The following COL14A1 variants were observed in gnomAD, a reference collection of about 807,000 sequenced individuals.
COL14A1 encodes the protein collagen type XIV alpha 1 chain, also known as collagen alpha-1(XIV) chain.
A neutral mutation model predicts 230.3 loss-of-function variants in COL14A1; 136 were observed. The ratio of observed to expected loss-of-function variants is 0.59; its 90% CI spans 0.51 to 0.68. The LOEUF (loss-of-function observed/expected upper bound fraction) is 0.68, where lower values mean the gene tolerates loss of function less well. Among genes scored for constraint, COL14A1 ranks in the 30% least tolerant of loss-of-function variants. COL14A1 has a pLI of 0.00. For missense variants in COL14A1, 1,976 were observed against 2,215.8 expected (o/e 0.89, Z 2.17); for synonymous variants, 792 against 784.1 (o/e 1.01, Z -0.17).
At chr8:120,299,781 A>G (rs1158667230) in intron 35 of COL14A1, among the ~76,000 whole-genome samples, 1 of 152,114 alleles carries the variant, frequency 6.6e-6, no homozygotes, top group Non-Finnish European at 1.5e-5. Flanking sequence ...GTAACAGTCC[A>G]TTTGCTTAAC....
At chr8:120,135,244 A>G (rs1814670756) in intron 1 of COL14A1, among the ~76,000 whole-genome samples, 1 of 152,092 alleles carries the variant, frequency 6.6e-6, no homozygotes, top group South Asian at 2.1e-4. Context: ...CTGGAGACCA[A>G]TTTGGCAATA....
At chr8:120,253,996 A>T (rs1819059422) in intron 22 of COL14A1, among the ~76,000 whole-genome samples, 1 of 152,206 alleles carries the variant, frequency 6.6e-6, no homozygotes, top group African/African-American at 2.4e-5. Context: ...GGGAAGAGAG[A>T]TTGTTTAATT....
Position 120,147,867 on chromosome 8 carries a change from C to T in COL14A1, c.25C>T (p.Arg9Trp), listed in dbSNP as rs771681479. The T allele has an allele frequency of 9.3e-6, 15 of 1,613,636 alleles. No individual in the cohort carries two copies. Among genetic ancestry groups the T allele is most frequent in the East Asian group, 4.5e-5 (2 of 44,846 alleles). MKIFQRKM[R>W]YWLLPPFLAI... ...AATGAAGATTTTCCAGCGCAAGATG[C>T]GGTACTGGTTGCTTCCACCTTTTTT... Residue 9 changes from arginine to tryptophan, a missense_variant, in exon 2 of 48, where the codon CGG becomes TGG. By Grantham distance (101) the Arg-to-Trp change is moderately radical. This residue lies in a region of COL14A1 where 181 missense variants were observed against 178.6 expected (regional missense o/e 1.01). Transcript: ENST00000297848.
At chr8:120,360,126 C>G (rs905742247) in intron 45 of COL14A1, among the ~76,000 whole-genome samples, 2 of 152,266 alleles carry the variant, frequency 1.3e-5, no homozygotes, top group South Asian at 2.1e-4. Flanking sequence ...AATGATTCAA[C>G]CTGTTTTCCT....
chr8:120,240,795 T>C (rs1818587101), intron 19 of COL14A1, among the ~76,000 whole-genome samples: 1 of 152,244 alleles, frequency 6.6e-6, no homozygotes, highest in African/African-American at 2.4e-5. Context: ...GAAATGTTTC[T>C]ATACTTTCTA....
chr8:120,318,476 T>G (rs1821316690), intron 40 of COL14A1, among the ~76,000 whole-genome samples: 1 of 152,164 alleles, frequency 6.6e-6, no homozygotes, highest in Non-Finnish European at 1.5e-5. Context: ...TCAACTGATC[T>G]GAGGGCTTAA....
In COL14A1 at chr8:120,332,122, C is replaced by T; in HGVS notation, c.4660-19C>T. 1 of 1,613,396 alleles carries T rather than the reference C, an allele frequency of 6.2e-7. No homozygotes were observed. Among genetic ancestry groups the T allele is most frequent in the African/African-American group, 1.3e-5 (1 of 75,030 alleles). On this transcript the variant is annotated intron_variant, in intron 40 of 47. Coordinates refer to ENST00000297848, the MANE Select transcript of COL14A1 (RefSeq NM_021110.4). The stretch of plus-strand genomic sequence containing the variant: ...TATAAAGCAACCACTTGCTGACATG[C>T]TGTGTTTCTTTTCGCCAGGGCCTTC...
chr8:120,257,157 TA>T (rs1342599334), intron 23 of COL14A1, among the ~76,000 whole-genome samples: 4 of 152,188 alleles, frequency 2.6e-5, no homozygotes, highest in Non-Finnish European at 5.9e-5. Context: ...TGCTGGCAAG[TA>T]AATGAGTCCA....
chr8:120,139,591 C>T (rs1814831395), intron 1 of COL14A1, among the ~76,000 whole-genome samples: 1 of 152,166 alleles, frequency 6.6e-6, no homozygotes, highest in South Asian at 2.1e-4. Flanking sequence ...CCTTTTTTAG[C>T]ATCTGCTCAA....
chr8:120,310,076 T>G lies in COL14A1; in HGVS notation c.4455+14T>G. On this transcript the variant is annotated intron_variant, in intron 37 of 47. Coordinates refer to ENST00000297848, the MANE Select transcript of COL14A1 (RefSeq NM_021110.4). Reference sequence around the variant, plus strand: ...CCGGGTCCAAAGGTAATGCGCATGTTTTCTCTCTCTCTCTGTCTCATCTCT... The same window carrying G: ...CCGGGTCCAAAGGTAATGCGCATGTGTTCTCTCTCTCTCTGTCTCATCTCT... 1 of 1,611,806 alleles carries G rather than the reference T, an allele frequency of 6.2e-7. No homozygotes were observed. The highest frequency in any genetic ancestry group is 8.5e-7 in the Non-Finnish European group (1 of 1,178,348).
chr8:120,153,735 A>G (rs931556745), intron 2 of COL14A1, among the ~76,000 whole-genome samples: 5 of 152,254 alleles, frequency 3.3e-5, no homozygotes, highest in African/African-American at 1.2e-4. Flanking sequence ...ATTCACCAGT[A>G]GGTAATGCAG....
intron 21 of COL14A1, among the ~76,000 whole-genome samples, chr8:120,248,342 G>C (rs940083529): frequency 6.6e-6 from 1 of 152,054 alleles, no homozygotes; most frequent in African/African-American, 2.4e-5. Flanking sequence ...AGTAGAAAGC[G>C]ATCGTACCCT....
At chr8:120,325,475 CTGTT>C (rs34330810) in intron 40 of COL14A1, among the ~76,000 whole-genome samples, 122,670 of 150,630 alleles carry the variant, frequency 0.81, 50,355 homozygotes, top group Non-Finnish European at 0.88. Context: ...AAGTGTTCTG[CTGTT>C]TGTTTGTTTG....
chr8:120,345,604 G>A, intron 45 of COL14A1, 41 bp downstream of exon 45: 1 of 1,460,320 alleles, frequency 6.8e-7, no homozygotes, highest in Non-Finnish European at 9.0e-7. Flanking sequence ...CCTCTGAGTT[G>A]GGTGCAGGGA....
intron 44 of COL14A1, among the ~76,000 whole-genome samples, chr8:120,344,546 ATCAGGAGCG>A (rs1822429288): frequency 6.6e-6 from 1 of 152,280 alleles, no homozygotes; most frequent in African/African-American, 2.4e-5. Flanking sequence ...ACATTGAGTC[ATCAGGAGCG>A]GATCCCTACT....
At chr8:120,198,032 A>C in intron 7 of COL14A1, 102 bp downstream of exon 7, 1 of 1,165,128 alleles carries the variant, frequency 8.6e-7, no homozygotes, top group Non-Finnish European at 1.2e-6. Context: ...TGTTTTAATT[A>C]AACTAGCACT....
intron 17 of COL14A1, among the ~76,000 whole-genome samples, chr8:120,227,672 T>G (rs1017034184): frequency 6.6e-6 from 1 of 152,146 alleles, no homozygotes; most frequent in African/African-American, 2.4e-5. Context: ...GATGAATGGA[T>G]GTATGCAAGA....
intron 45 of COL14A1, among the ~76,000 whole-genome samples, chr8:120,346,840 A>C (rs1342110680): frequency 1.3e-5 from 2 of 152,182 alleles, no homozygotes; most frequent in Non-Finnish European, 2.9e-5. Flanking sequence ...ATTGGTTCTG[A>C]ATTGCTTTGC....
rs151216053 is a variant in COL14A1 at position 120,224,654 on chromosome 8, T to A, written c.1738-434T>A. On this transcript the variant is annotated intron_variant, in intron 14 of 47. Coordinates refer to ENST00000297848, the MANE Select transcript of COL14A1 (RefSeq NM_021110.4). Reference sequence around the variant, plus strand: ...GAGGAATGTTTCAAATATTTACTATTTTCTTTAGTATTAATGTTCCCTGAT... The same window carrying A: ...GAGGAATGTTTCAAATATTTACTATATTCTTTAGTATTAATGTTCCCTGAT... Among the ~76,000 whole-genome samples, 235 of 152,356 alleles carry A rather than the reference T, an allele frequency of 1.5e-3. 1 individual carries two copies. The highest frequency in any genetic ancestry group is 5.4e-3 in the African/African-American group (224 of 41,580).
Sources: gnomAD v4.1 joint callset for allele counts (sites outside exome capture counted in the v4.1 genomes callset) on GRCh38, gnomAD v4.1.1 for gene constraint, gnomAD v4.1.1 regional missense constraint, MANE v1.5 for transcripts, NCBI Gene and HGNC (gene_info 2026-07-23, HGNC 2026-07-21) for gene names.